The following ZNF721 variants were observed in gnomAD, a reference collection of about 807,000 sequenced individuals.
ZNF721 encodes zinc finger protein 721.
Under a neutral mutation model 2.4 loss-of-function variants are expected in ZNF721, and 2 were observed. That is an observed-to-expected ratio of 0.82 (90% CI 0.34 to 2.58). The LOEUF is 2.58. Ranked by LOEUF, ZNF721 falls within the 30% of genes most tolerant of loss-of-function variation. ZNF721 has a pLI of 0.11. For missense variants in ZNF721, 1,187 were observed against 1,085.5 expected (o/e 1.09, Z -1.31); for synonymous variants, 398 against 381.8 (o/e 1.04, Z -0.50).
At chr4:495,643 C>T (rs1417431101) in intron 1 of ZNF721, among the ~76,000 whole-genome samples, 1 of 151,718 alleles carries the variant, frequency 6.6e-6, no homozygotes, top group South Asian at 2.1e-4. Flanking sequence ...ACTCTGTTAC[C>T]AGGCTGGCGT....
At chr4:485,345 A>G (rs1206860549) in intron 1 of ZNF721, among the ~76,000 whole-genome samples, 3 of 151,978 alleles carry the variant, frequency 2.0e-5, no homozygotes, top group Admixed American at 6.6e-5. Flanking sequence ...AATTTCTTAC[A>G]GCAAAGTCCT....
At chr4:475,609 T>A (rs1345150365) in intron 1 of ZNF721, among the ~76,000 whole-genome samples, 1 of 137,728 alleles carries the variant, frequency 7.3e-6, no homozygotes, top group Non-Finnish European at 1.6e-5. Context: ...TAGCACTCTA[T>A]AGGCAGCTCC....
At chr4:450,925 A>C (rs1487904325) in intron 2 of ZNF721, among the ~76,000 whole-genome samples, 1 of 122,224 alleles carries the variant, frequency 8.2e-6, no homozygotes. Flanking sequence ...CGACAGAGCA[A>C]GACTCTGTCT....
chr4:497,703 A>G (rs1716259075), intron 1 of ZNF721, among the ~76,000 whole-genome samples: 2 of 147,114 alleles, frequency 1.4e-5, no homozygotes, highest in African/African-American at 5.1e-5. Flanking sequence ...CCTGGCTAAC[A>G]TGGTGAAACC....
At chr4:461,966 T>C (rs1393555593) in intron 2 of ZNF721, among the ~76,000 whole-genome samples, 1 of 152,184 alleles carries the variant, frequency 6.6e-6, no homozygotes, top group South Asian at 2.1e-4. Context: ...GGAAGTCAAA[T>C]TGTCTCTGTT....
chr4:484,342 G>GT, intron 1 of ZNF721, among the ~76,000 whole-genome samples: 1 of 152,188 alleles, frequency 6.6e-6, no homozygotes, highest in Admixed American at 6.5e-5. Flanking sequence ...CAGCATGTGT[G>GT]TTTGAGCAAT....
At chr4:468,579 T>A (rs1371171015) in intron 2 of ZNF721, among the ~76,000 whole-genome samples, 3 of 152,152 alleles carry the variant, frequency 2.0e-5, no homozygotes, top group African/African-American at 7.2e-5. Context: ...GGAAATCTAA[T>A]CTTTCCAGGG....
chr4:443,902 T>C lies in ZNF721; in HGVS notation c.565A>G (p.Arg189Gly). Residue 189 changes from arginine (R) to glycine (G), a missense_variant, in exon 3 of 3, where the codon AGA becomes GGA. Physicochemically the swap from Arg to Gly is moderately radical, Grantham distance 125 (BLOSUM62 -2). Transcript: ENST00000511833. ...TCTTCACCTGTGTAAGCTTTCTCTC[T>C]GTTGTGAATTCTCTTATGTGCAGTA... ...NLTAHKRIHN[R>G]EKAYTGEDRD... 1.9e-6 allele frequency: 3 copies of C among 1,614,006 alleles called. No homozygotes were observed. The highest frequency in any genetic ancestry group is 8.5e-7 in the Non-Finnish European group (1 of 1,179,978).
intron 2 of ZNF721, among the ~76,000 whole-genome samples, chr4:451,764 G>A (rs1294212336): frequency 1.3e-5 from 2 of 152,240 alleles, no homozygotes; most frequent in Non-Finnish European, 2.9e-5. Context: ...GTCAGGAACA[G>A]GATCCAAAAG....
At chr4:486,391 C>G (rs576836526) in intron 1 of ZNF721, among the ~76,000 whole-genome samples, 55 of 152,214 alleles carry the variant, frequency 3.6e-4, no homozygotes, top group African/African-American at 1.3e-3. Context: ...ATCTCCTGAC[C>G]TCATGACCGC....
chr4:450,629 C>T (rs1243774696), intron 2 of ZNF721, among the ~76,000 whole-genome samples: 1 of 150,254 alleles, frequency 6.7e-6, no homozygotes, highest in Non-Finnish European at 1.5e-5. Context: ...TACATGCTTA[C>T]ACATCTATTT....
intron 2 of ZNF721, among the ~76,000 whole-genome samples, chr4:449,121 G>C (rs1203166111): frequency 2.6e-5 from 4 of 152,072 alleles, no homozygotes; most frequent in Non-Finnish European, 5.9e-5. Flanking sequence ...TGTTAGCTTT[G>C]CAAGATAAAC....
rs868968645 is a variant in ZNF721 at position 450,976 on chromosome 4, T to A, written c.35-6544A>T. Among the ~76,000 whole-genome samples the A allele has an allele frequency of 1.7e-3, 202 of 118,742 alleles. 8 individuals carry two copies. Among genetic ancestry groups the A allele is most frequent in the South Asian group, 8.4e-3 (29 of 3,456 alleles). 77.9% of individuals were successfully genotyped at this position (118,742 alleles called of 152,430 possible). Reference sequence around the variant, plus strand: ...AAAAAAATATATATATATATATATATATATATATATATATATATATCCCAA... The same window carrying A: ...AAAAAAATATATATATATATATATAAATATATATATATATATATATCCCAA... On this transcript the variant is annotated intron_variant, in intron 2 of 2. Transcript: ENST00000511833.
rs1399343759 is a variant in ZNF721 at position 487,350 on chromosome 4, T to C, written c.-94+11706A>G. Among the ~76,000 whole-genome samples, 7 of 152,184 alleles carry C rather than the reference T, an allele frequency of 4.6e-5. No individual in the cohort carries two copies. In the East Asian group the frequency reaches 9.6e-4, roughly 21 times the overall value. ...CATTTTAACTTTCTGGAGAATAAAG[T>C]AGCATGCTGAGGAAAGCCAAAGTGC... On this transcript the variant is annotated intron_variant, in intron 1 of 2. Coordinates refer to ENST00000511833, the MANE Select transcript of ZNF721 (RefSeq NM_133474.4).
intron 1 of ZNF721, among the ~76,000 whole-genome samples, chr4:498,716 G>GTTGAATT (rs1716455287): frequency 6.7e-6 from 1 of 149,416 alleles, no homozygotes; most frequent in Non-Finnish European, 1.5e-5. Context: ...GAGGTATTGG[G>GTTGAATT]TTGAATTTTC....
chr4:443,133 T>C lies in ZNF721; in HGVS notation c.1334A>G (p.Tyr445Cys). 1.2e-6 allele frequency: 2 copies of C among 1,613,924 alleles called. No homozygotes were observed. The highest frequency in any genetic ancestry group is 1.7e-6 in the Non-Finnish European group (2 of 1,179,856). ...GGCTTTCCCACATTCTTTACATTTG[T>C]AGGGTTTATCTCCAGTATGAATTTT... Reference protein sequence around the residue: ...YKKIHTGDKPYKCKECGKAFI... With the variant: ...YKKIHTGDKPCKCKECGKAFI... The change falls in exon 3 of 3, where the codon TAC becomes TGC. Residue 445 changes from tyrosine to cysteine, a missense_variant. Physicochemically the swap from Tyr to Cys is radical, Grantham distance 194. Transcript: ENST00000511833.
In ZNF721 at chr4:441,883, C is replaced by T; in HGVS notation, c.2584G>A (p.Glu862Lys). The change falls in exon 3 of 3, where the codon GAG becomes AAG. Residue 862 changes from glutamate (E) to lysine (K), a missense_variant. Physicochemically the swap from Glu to Lys is moderately conservative, Grantham distance 56 (BLOSUM62 1). Transcript: ENST00000511833. Reference sequence around the variant, plus strand: ...CATTCTCCACATGTGTAGGGTTTCTCTCCAGTATGAATTCTCCTATGTACA... The same window carrying T: ...CATTCTCCACATGTGTAGGGTTTCTTTCCAGTATGAATTCTCCTATGTACA... Reference protein sequence around the residue: ...LYVHRRIHTGEKPYTCGECGK... With the variant: ...LYVHRRIHTGKKPYTCGECGK... 1 of 1,613,926 alleles carries T rather than the reference C, an allele frequency of 6.2e-7. No homozygotes were observed. Among genetic ancestry groups the T allele is most frequent in the Non-Finnish European group, 8.5e-7 (1 of 1,179,932 alleles).
At chr4:447,044 G>A (rs542557868) in intron 2 of ZNF721, among the ~76,000 whole-genome samples, 1 of 152,256 alleles carries the variant, frequency 6.6e-6, no homozygotes, top group East Asian at 1.9e-4. Flanking sequence ...TTATTTTGCA[G>A]GGCACAGTGG....
At chr4:466,891 C>T in intron 2 of ZNF721, among the ~76,000 whole-genome samples, 1 of 152,130 alleles carries the variant, frequency 6.6e-6, no homozygotes, top group East Asian at 1.9e-4. Flanking sequence ...AAGTGAAAAA[C>T]CTCAAACATC....
Sources: allele counts gnomAD v4.1 joint callset (sites outside exome capture counted in the v4.1 genomes callset), GRCh38; gene constraint gnomAD v4.1.1; transcripts MANE v1.5; gene names NCBI Gene and HGNC (gene_info 2026-07-23, HGNC 2026-07-21).